Variants in NEMP2 observed in about 807,000 individuals in gnomAD.
NEMP2 encodes the protein nuclear envelope integral membrane protein 2, also known as UPF0571 transmembrane protein.
NEMP2 carries 53 observed loss-of-function variants against 54.2 expected under a neutral mutation model. That is an observed-to-expected ratio of 0.98 (90% confidence interval 0.78 to 1.23). The LOEUF (loss-of-function observed/expected upper bound fraction) is 1.23, where lower values mean the gene tolerates loss of function less well. Ranked by LOEUF, NEMP2 falls within the 50% of genes most tolerant of loss-of-function variation. The pLI is 0.00. For synonymous variants in NEMP2, 197 were observed against 190.3 expected (o/e 1.04, Z -0.29); for missense variants, 455 against 511.3 (o/e 0.89, Z 1.06).
At chr2:190,638,305 G>A in the NEMP2 span, among the ~76,000 whole-genome samples, 3 of 152,028 alleles carry the variant, frequency 2.0e-5, no homozygotes, top group Non-Finnish European at 2.9e-5. This position sits in a 1 kb window ranked among gnomAD's most constrained non-coding sequence, Gnocchi z 5.7. Context: ...CTTGCAAAAT[G>A]CCACCTTTTA....
the NEMP2 span, among the ~76,000 whole-genome samples, chr2:190,621,702 A>G: frequency 6.6e-6 from 1 of 152,230 alleles, no homozygotes; most frequent in East Asian, 1.9e-4. Context: ...AGACATAAAT[A>G]TCAATGGAAT....
the NEMP2 span, among the ~76,000 whole-genome samples, chr2:190,615,043 T>C: frequency 6.6e-6 from 1 of 152,180 alleles, no homozygotes; most frequent in Non-Finnish European, 1.5e-5. The surrounding 1 kb of genome is among the most constrained non-coding windows in gnomAD (Gnocchi z 4.7). Flanking sequence ...CACAGGACAT[T>C]TTCAGTCACC....
rs1245543176 is a variant in NEMP2, at chr2:190,523,466, C to G, written c.213+1797G>C. The stretch of plus-strand genomic sequence containing the variant: ...GAAAACTGGAAAACTAGCATGAACC[C>G]TGTGGTATTGGAGATCTCAGAACTC... On this transcript the variant is annotated intron_variant, in intron 2 of 8. Coordinates refer to ENST00000409150, the MANE Select transcript of NEMP2 (RefSeq NM_001142645.2). This position sits in a 1 kb window ranked among gnomAD's most constrained non-coding sequence, Gnocchi z 5.3. 6.6e-6 allele frequency among the ~76,000 whole-genome samples: 1 copy of G among 152,092 alleles called. No individual in the cohort carries two copies. Among genetic ancestry groups the G allele is most frequent in the African/African-American group, 2.4e-5 (1 of 41,412 alleles).
At chr2:190,516,498 G>C (rs1164370429) in intron 5 of NEMP2, 114 bp from the exon 6 acceptor site, 2 of 753,210 alleles carry the variant, frequency 2.7e-6, no homozygotes, top group Non-Finnish European at 4.3e-6. Flanking sequence ...CTGATTTGAA[G>C]TCAATTTAAG....
In NEMP2 at chr2:190,506,926, TAA is replaced by T. The variant is rs1406688412; in HGVS notation, c.*2261_*2262del. The T allele has an allele frequency of 1.3e-5, 2 of 152,100 alleles. No homozygotes were observed. Among genetic ancestry groups the T allele is most frequent in the Non-Finnish European group, 2.9e-5 (2 of 68,022 alleles). 9.4% of individuals were successfully genotyped at this position (152,100 alleles called of 1,614,324 possible). The stretch of plus-strand genomic sequence containing the variant: ...AGAGCCATTTTATTGAGTGGTCGTT[TAA>T]ACTGTTCAAAGGCCTTTAAAAAGGG... On this transcript the variant is annotated 3_prime_UTR_variant, in exon 9 of 9. Transcript: ENST00000409150. The surrounding 1 kb of genome is among the most constrained non-coding windows in gnomAD (Gnocchi z 6.3).
At chr2:190,554,376 C>G in the NEMP2 span, among the ~76,000 whole-genome samples, 3 of 152,236 alleles carry the variant, frequency 2.0e-5, no homozygotes, top group African/African-American at 4.8e-5. The surrounding 1 kb of genome is among the most constrained non-coding windows in gnomAD (Gnocchi z 5.7). Context: ...GTCCCACCCC[C>G]ACAGAGCCTA....
Position 190,505,940 on chromosome 2 carries a change from TATA to T in NEMP2, c.*3246_*3248del, listed in dbSNP as rs1369897790. On this transcript the variant is annotated 3_prime_UTR_variant, in exon 9 of 9. Coordinates refer to ENST00000409150, the MANE Select transcript of NEMP2 (RefSeq NM_001142645.2). The surrounding 1 kb of genome is among the most constrained non-coding windows in gnomAD (Gnocchi z 5.8). The stretch of plus-strand genomic sequence containing the variant: ...CTCATGACATTAACCATGTGAATTA[TATA>T]ACAAGCTCCCTTTGTTTTGTTTCAG... The T allele has an allele frequency of 1.3e-5, 2 of 152,240 alleles. No individual in the cohort carries two copies. The highest frequency in any genetic ancestry group is 2.9e-5 in the Non-Finnish European group (2 of 68,036). 9.4% of individuals were successfully genotyped at this position (152,240 alleles called of 1,614,324 possible).
At chr2:190,536,656 AGT>A (rs1193483352), upstream of NEMP2, among the ~76,000 whole-genome samples, 1 of 152,198 alleles carries the variant, frequency 6.6e-6, no homozygotes, top group Non-Finnish European at 1.5e-5. Context: ...GAGGAAAAAG[AGT>A]GGGGAGAGAC....
chr2:190,535,407 A>C (rs1691342554), upstream of NEMP2, among the ~76,000 whole-genome samples: 1 of 152,158 alleles, frequency 6.6e-6, no homozygotes. Flanking sequence ...TTCTTAATGT[A>C]ATAGATATAT....
At chr2:190,548,491 G>C in the NEMP2 span, among the ~76,000 whole-genome samples, 3 of 152,150 alleles carry the variant, frequency 2.0e-5, no homozygotes, top group Admixed American at 1.3e-4. Flanking sequence ...TTAAGATTTA[G>C]AGGTTACTCC....
At chr2:190,559,710 T>C in the NEMP2 span, among the ~76,000 whole-genome samples, 4 of 151,616 alleles carry the variant, frequency 2.6e-5, no homozygotes, top group Middle Eastern at 3.4e-3. The surrounding 1 kb of genome is among the most constrained non-coding windows in gnomAD (Gnocchi z 4.0). Context: ...CAAAAAGAGG[T>C]GGTGGTTTAG....
the NEMP2 span, among the ~76,000 whole-genome samples, chr2:190,570,923 CAT>C: frequency 6.6e-6 from 1 of 152,314 alleles, no homozygotes; most frequent in African/African-American, 2.4e-5. This position sits in a 1 kb window ranked among gnomAD's most constrained non-coding sequence, Gnocchi z 5.4. Flanking sequence ...GAAAGGTTAA[CAT>C]AAGCATTAAG....
chr2:190,571,873 T>A, the NEMP2 span, among the ~76,000 whole-genome samples: 1 of 152,106 alleles, frequency 6.6e-6, no homozygotes, highest in Non-Finnish European at 1.5e-5. Flanking sequence ...ACACACACAG[T>A]CTGAGTTTCC....
chr2:190,432,844 T>A, the NEMP2 span, among the ~76,000 whole-genome samples: 30 of 114,174 alleles, frequency 2.6e-4, no homozygotes, highest in Middle Eastern at 4.3e-3. Context: ...ACACACACTC[T>A]CTCTCTCTCT....
chr2:190,475,535 C>T, the NEMP2 span, among the ~76,000 whole-genome samples: 15 of 152,130 alleles, frequency 9.9e-5, no homozygotes, highest in Non-Finnish European at 1.8e-4. Flanking sequence ...AGGAGAACTA[C>T]AAACCACTGC....
chr2:190,603,883 C>T, the NEMP2 span, among the ~76,000 whole-genome samples: 1 of 151,960 alleles, frequency 6.6e-6, no homozygotes, highest in African/African-American at 2.4e-5. Context: ...TTTACACCCC[C>T]CACCTTTTTA....
At chr2:190,613,592 A>G in the NEMP2 span, among the ~76,000 whole-genome samples, 1 of 151,938 alleles carries the variant, frequency 6.6e-6, no homozygotes, top group Non-Finnish European at 1.5e-5. Flanking sequence ...TTCACCAATA[A>G]TTTATTTTTT....
chr2:190,590,959 C>G, the NEMP2 span, among the ~76,000 whole-genome samples: 1 of 152,118 alleles, frequency 6.6e-6, no homozygotes, highest in Non-Finnish European at 1.5e-5. This position sits in a 1 kb window ranked among gnomAD's most constrained non-coding sequence, Gnocchi z 5.1. Flanking sequence ...AAAACATGTA[C>G]AGCACACAGC....
At chr2:190,564,595 T>G in the NEMP2 span, among the ~76,000 whole-genome samples, 1 of 152,354 alleles carries the variant, frequency 6.6e-6, no homozygotes, top group African/African-American at 2.4e-5. This position sits in a 1 kb window ranked among gnomAD's most constrained non-coding sequence, Gnocchi z 4.2. Flanking sequence ...AAGGCAGATC[T>G]ATATGATTTA....
Sources: allele counts gnomAD v4.1 joint callset (sites outside exome capture counted in the v4.1 genomes callset), GRCh38; gene constraint gnomAD v4.1.1; non-coding constraint Gnocchi (gnomAD v3.1); transcripts MANE v1.5; gene names NCBI Gene and HGNC (gene_info 2026-07-23, HGNC 2026-07-21).